CYRIB: variants seen among roughly 807,000 people sequenced by gnomAD.
CYRIB encodes CYFIP-related Rac1 interactor B.
Under a neutral mutation model 44.2 loss-of-function variants are expected in CYRIB, and 8 were observed. That is an observed-to-expected ratio of 0.18 (90% CI 0.11 to 0.33). The LOEUF (loss-of-function observed/expected upper bound fraction) is 0.33, where lower values mean the gene tolerates loss of function less well. Among genes scored for constraint, CYRIB ranks in the 10% least tolerant of loss-of-function variants. The pLI is 1.00. For missense variants in CYRIB, 185 were observed against 382.8 expected, an observed-to-expected ratio of 0.48 and a Z score of 4.31; for synonymous variants, 131 against 127.2, an observed-to-expected ratio of 1.03 and a Z score of -0.20.
intron 1 of CYRIB, among the ~76,000 whole-genome samples, chr8:129,987,517 T>C (rs1201085235): frequency 6.6e-6 from 1 of 151,376 alleles, no homozygotes; most frequent in Non-Finnish European, 1.5e-5. Flanking sequence ...CTACATTCTC[T>C]CGCCTGCCAC....
At chr8:129,846,161 T>C (rs1397978945) in intron 11 of CYRIB, among the ~76,000 whole-genome samples, 1 of 152,206 alleles carries the variant, frequency 6.6e-6, no homozygotes, top group East Asian at 1.9e-4. Context: ...CTAGCATTTG[T>C]AGAAGTTTGA....
chr8:129,930,365 T>TTTATATATATATATATATATATATA (rs369665802), intron 1 of CYRIB, among the ~76,000 whole-genome samples: 2 of 50,416 alleles, frequency 4.0e-5, no homozygotes, highest in Admixed American at 2.4e-4. Flanking sequence ...TGTGAAGTGC[T>TTTATATATATATATATATATATATA]TATATATATA....
At chr8:129,989,078 A>G (rs572673482) in intron 1 of CYRIB, among the ~76,000 whole-genome samples, 4 of 152,214 alleles carry the variant, frequency 2.6e-5, no homozygotes, top group African/African-American at 9.6e-5. Context: ...TCCCCCCAAC[A>G]TTTATTAATA....
chr8:129,909,968 G>A lies in CYRIB; in HGVS notation c.-49-6618C>T, dbSNP rs1011643953. Among the ~76,000 whole-genome samples, 6 of 152,252 alleles carry A rather than the reference G, an allele frequency of 3.9e-5. 1 individual carries two copies. The highest frequency in any genetic ancestry group is 3.9e-4 in the Admixed American group (6 of 15,292). Reference sequence around the variant, plus strand: ...CTACCAGATCAGTTTCTGTCAGACTGGAGTGGTGGGCAAGTTAGCGAAAGA... The same window carrying A: ...CTACCAGATCAGTTTCTGTCAGACTAGAGTGGTGGGCAAGTTAGCGAAAGA... On this transcript the variant is annotated intron_variant, in intron 1 of 11. Transcript: ENST00000519824.
chr8:129,956,535 GCACACACACA>G (rs146683281), intron 2 of CYRIB, among the ~76,000 whole-genome samples: 5 of 149,504 alleles, frequency 3.3e-5, no homozygotes, highest in East Asian at 2.0e-4. Flanking sequence ...CTTTGTGTTT[GCACACACACA>G]CACACACACA....
chr8:129,939,932 C>T (rs1590654611), upstream of CYRIB: 1 of 152,184 alleles, frequency 6.6e-6, no homozygotes, highest in African/African-American at 2.4e-5. Context: ...AATCCTTAGC[C>T]TATCTTCTCC....
intron 2 of CYRIB, chr8:129,901,791 T>C (rs1589178086): frequency 1.3e-5 from 2 of 152,180 alleles, no homozygotes; most frequent in East Asian, 3.9e-4. Flanking sequence ...TGTATTACAA[T>C]TTTTGCACAC....
intron 1 of CYRIB, among the ~76,000 whole-genome samples, chr8:129,976,823 T>C (rs2095942372): frequency 6.6e-6 from 1 of 151,934 alleles, no homozygotes; most frequent in Non-Finnish European, 1.5e-5. Context: ...TATGTGTTGT[T>C]GTTTTTTTTT....
intron 1 of CYRIB, among the ~76,000 whole-genome samples, chr8:129,986,112 C>T (rs2132997067): frequency 6.6e-6 from 1 of 152,206 alleles, no homozygotes; most frequent in East Asian, 1.9e-4. Context: ...CGATCTGTGC[C>T]CGAGGTTAAA....
chr8:129,935,153 T>C (rs2092567677), intron 1 of CYRIB, among the ~76,000 whole-genome samples: 1 of 152,246 alleles, frequency 6.6e-6, no homozygotes, highest in Non-Finnish European at 1.5e-5. Flanking sequence ...CGTCACATTA[T>C]GACATCCGGG....
intron 3 of CYRIB, among the ~76,000 whole-genome samples, chr8:129,876,204 A>C (rs1258250518): frequency 1.3e-5 from 2 of 152,112 alleles, no homozygotes; most frequent in Non-Finnish European, 2.9e-5. Flanking sequence ...GTTGAAAATA[A>C]ATAATTTAAG....
rs569474769 is a variant in CYRIB, at chr8:130,012,957, G to A, written c.-296+3413C>T. On this transcript the variant is annotated intron_variant, in intron 1 of 14. Transcript: ENST00000401979. Reference sequence around the variant, plus strand: ...TGAAAAACAAGATTACAAGGCGTCCGTCTTCAACAGGCCTTTATCAAGTAT... The same window carrying A: ...TGAAAAACAAGATTACAAGGCGTCCATCTTCAACAGGCCTTTATCAAGTAT... 1.2e-4 allele frequency among the ~76,000 whole-genome samples: 18 copies of A among 152,262 alleles called. No individual in the cohort carries two copies. In the Middle Eastern group the frequency reaches 0.014, roughly 115 times the overall value.
At chr8:129,993,342 G>A (rs184849431) in intron 1 of CYRIB, among the ~76,000 whole-genome samples, 6 of 142,028 alleles carry the variant, frequency 4.2e-5, no homozygotes, top group East Asian at 2.1e-4. Context: ...GCAGAGAGCC[G>A]AGATCACACC....
chr8:129,999,135 G>T (rs982199860), intron 1 of CYRIB, among the ~76,000 whole-genome samples: 2 of 152,092 alleles, frequency 1.3e-5, no homozygotes, highest in African/African-American at 4.8e-5. Flanking sequence ...ACGTGGGGGG[G>T]GTGGGACGCA....
In CYRIB at chr8:129,869,188, C is replaced by A. The variant is rs999203623; in HGVS notation, c.195+2187G>T. Among the ~76,000 whole-genome samples, 3 of 151,382 alleles carry A rather than the reference C, an allele frequency of 2.0e-5. No homozygotes were observed. The South Asian group carries it at 6.3e-4, about 32-fold the overall frequency. ...ATCACATGAGGTCAGGAGTTTGAGA[C>A]CAGCCTGGCCAACATGGTGAAAGCC... On this transcript the variant is annotated intron_variant, in intron 4 of 11. Transcript: ENST00000519824.
upstream of CYRIB, among the ~76,000 whole-genome samples, chr8:129,943,932 AG>A (rs1243104793): frequency 6.9e-6 from 1 of 145,770 alleles, no homozygotes; most frequent in Admixed American, 6.9e-5. Context: ...AAAAAAAAAA[AG>A]AATGAGACCT....
At chr8:129,848,744 T>C (rs2041733298) in intron 10 of CYRIB, among the ~76,000 whole-genome samples, 1 of 151,786 alleles carries the variant, frequency 6.6e-6, no homozygotes, top group Admixed American at 6.6e-5. Flanking sequence ...AATTTTTTTT[T>C]TTTTTTTGTA....
In CYRIB at chr8:130,011,926, A is replaced by T. The variant is rs184756305; in HGVS notation, c.-296+4444T>A. Among the ~76,000 whole-genome samples, 649 of 152,152 alleles carry T rather than the reference A, an allele frequency of 4.3e-3. 5 individuals carry two copies. Among genetic ancestry groups the T allele is most frequent in the African/African-American group, 0.015 (630 of 41,518 alleles). On this transcript the variant is annotated intron_variant, in intron 1 of 14. Coordinates refer to the CYRIB transcript ENST00000401979. The stretch of plus-strand genomic sequence containing the variant: ...ACTGGCTGCCCACTCACCCACACGG[A>T]TCCCATGTCCACGTTCAGAAAGCTC...
At chr8:129,921,731 T>C (rs1390056240) in intron 1 of CYRIB, among the ~76,000 whole-genome samples, 3 of 152,358 alleles carry the variant, frequency 2.0e-5, no homozygotes, top group Non-Finnish European at 4.4e-5. Flanking sequence ...CATTACCCTA[T>C]GTAATAAACT....
Sources: allele counts gnomAD v4.1 joint callset (sites outside exome capture counted in the v4.1 genomes callset), GRCh38; gene constraint gnomAD v4.1.1; transcripts MANE v1.5; gene names NCBI Gene and HGNC (gene_info 2026-07-23, HGNC 2026-07-21).